The following TRAPPC9 variants were observed in gnomAD, a reference collection of about 807,000 sequenced individuals.
TRAPPC9 encodes trafficking protein particle complex subunit 9, also known as IKK2 binding protein.
Under a neutral mutation model 124.0 loss-of-function variants are expected in TRAPPC9, and 83 were observed. The ratio of observed to expected loss-of-function variants is 0.67; its 90% CI spans 0.56 to 0.80. The LOEUF is 0.80. Among genes scored for constraint, TRAPPC9 ranks in the 30% least tolerant of loss-of-function variants. The pLI, the probability that TRAPPC9 is intolerant of heterozygous loss-of-function variation, is 0.00. For missense variants in TRAPPC9, 1,302 were observed against 1,508.3 expected (o/e 0.86, Z 2.27); for synonymous variants, 638 against 617.5 (o/e 1.03, Z -0.49).
intron 21 of TRAPPC9, among the ~76,000 whole-genome samples, chr8:139,760,091 TTGTGAGTG>T: frequency 6.6e-6 from 1 of 152,242 alleles, no homozygotes; most frequent in Non-Finnish European, 1.5e-5. Flanking sequence ...GTGCTGTGTG[TTGTGAGTG>T]TGTGAGTGTA....
intron 17 of TRAPPC9, among the ~76,000 whole-genome samples, chr8:140,151,525 T>C (rs1415471496): frequency 6.6e-6 from 1 of 152,208 alleles, no homozygotes; most frequent in African/African-American, 2.4e-5. Context: ...GGCTCCCATG[T>C]GCCCTCCCTG....
At chr8:140,434,843 G>A (rs985040683) in intron 4 of TRAPPC9, among the ~76,000 whole-genome samples, 7 of 151,944 alleles carry the variant, frequency 4.6e-5, no homozygotes, top group African/African-American at 1.2e-4. Flanking sequence ...GGTGGCGGGC[G>A]CCTGTAATCC....
chr8:139,801,052 C>CCTTCCCTCCCTCCAGTAT (rs373554554), intron 21 of TRAPPC9, among the ~76,000 whole-genome samples: 5 of 148,190 alleles, frequency 3.4e-5, no homozygotes, highest in East Asian at 4.1e-4. Context: ...CCCTCCGGCA[C>CCTTCCCTCCCTCCAGTAT]CTTCCCTCCC....
intron 11 of TRAPPC9, among the ~76,000 whole-genome samples, chr8:140,297,294 A>G (rs940596800): frequency 1.3e-5 from 2 of 152,182 alleles, no homozygotes; most frequent in African/African-American, 4.8e-5. Context: ...ATGGCATTTT[A>G]AAAACGCATA....
intron 18 of TRAPPC9, among the ~76,000 whole-genome samples, chr8:139,990,978 G>C (rs1837604806): frequency 6.6e-6 from 1 of 152,180 alleles, no homozygotes; most frequent in African/African-American, 2.4e-5. Context: ...TGGGTTTTCT[G>C]GGTGGGGCTG....
chr8:139,939,852 G>C (rs977235875), intron 19 of TRAPPC9, among the ~76,000 whole-genome samples: 3 of 152,236 alleles, frequency 2.0e-5, no homozygotes, highest in Admixed American at 6.5e-5. Flanking sequence ...AGAGAGGGAG[G>C]CTGGTGCAGA....
chr8:140,060,227 G>C (rs1468545779), intron 17 of TRAPPC9, among the ~76,000 whole-genome samples: 2 of 152,154 alleles, frequency 1.3e-5, no homozygotes, highest in African/African-American at 4.8e-5. Flanking sequence ...GCTAAGTAGG[G>C]GGCTTTTCTG....
At chr8:140,379,703 T>C (rs2068548004) in intron 7 of TRAPPC9, among the ~76,000 whole-genome samples, 1 of 152,060 alleles carries the variant, frequency 6.6e-6, no homozygotes, top group Non-Finnish European at 1.5e-5. Context: ...TGAAGGGACA[T>C]ACAAAATTAA....
Position 139,986,016 on chromosome 8 carries a change from G to A in TRAPPC9, c.2810+2710C>T, listed in dbSNP as rs552024562. On this transcript the variant is annotated intron_variant, in intron 19 of 22. Coordinates refer to ENST00000438773, the MANE Select transcript of TRAPPC9 (RefSeq NM_001160372.4). ...TTCCAGCACTTTGGGAGGCCGAGGC[G>A]GGCGGATCACAAGGTCAGGAGTCCA... Among the ~76,000 whole-genome samples, 216 of 152,290 alleles carry A rather than the reference G, an allele frequency of 1.4e-3. 1 individual carries two copies. The highest frequency in any genetic ancestry group is 6.8e-3 in the Middle Eastern group (2 of 294).
At chr8:140,140,617 C>A (rs1389718520) in intron 17 of TRAPPC9, among the ~76,000 whole-genome samples, 2 of 152,124 alleles carry the variant, frequency 1.3e-5, no homozygotes, top group African/African-American at 4.8e-5. Context: ...AGAATTCCAC[C>A]CATAAATCCC....
intron 19 of TRAPPC9, among the ~76,000 whole-genome samples, chr8:139,963,454 T>A (rs1021246617): frequency 6.6e-6 from 1 of 152,166 alleles, no homozygotes; most frequent in Non-Finnish European, 1.5e-5. Flanking sequence ...TTTCATTTCA[T>A]CCTTATTCCC....
intron 12 of TRAPPC9, 70 bp from the exon 13 acceptor site, chr8:140,287,804 T>A (rs947766494): frequency 1.0e-5 from 16 of 1,602,056 alleles, no homozygotes; most frequent in Admixed American, 1.7e-5. Context: ...CAAATGAGCC[T>A]TAAGACATTG....
intron 21 of TRAPPC9, among the ~76,000 whole-genome samples, chr8:139,833,001 G>A (rs376883625): frequency 1.3e-5 from 2 of 152,142 alleles, no homozygotes; most frequent in Non-Finnish European, 2.9e-5. Context: ...AGCATGAGAA[G>A]GGTTCAACAC....
intron 21 of TRAPPC9, among the ~76,000 whole-genome samples, chr8:139,779,081 CAAG>C (rs1821592057): frequency 1.3e-5 from 2 of 149,664 alleles, no homozygotes; most frequent in South Asian, 4.2e-4. Flanking sequence ...AAACCAGTGA[CAAG>C]AATATCAAAA....
At chr8:140,128,808 T>C (rs1487968247) in intron 17 of TRAPPC9, among the ~76,000 whole-genome samples, 2 of 152,244 alleles carry the variant, frequency 1.3e-5, no homozygotes, top group Admixed American at 6.5e-5. Flanking sequence ...CTCCTGGCGA[T>C]GGGTCAGTCC....
At chr8:140,029,151 T>C (rs1416122197) in intron 17 of TRAPPC9, among the ~76,000 whole-genome samples, 1 of 152,162 alleles carries the variant, frequency 6.6e-6, no homozygotes, top group Non-Finnish European at 1.5e-5. Flanking sequence ...CCAAAAGGAA[T>C]CAAGGAGAAA....
At chr8:140,298,528 T>A (rs979657024) in intron 11 of TRAPPC9, among the ~76,000 whole-genome samples, 2 of 152,164 alleles carry the variant, frequency 1.3e-5, no homozygotes, top group Non-Finnish European at 2.9e-5. Context: ...AGTATGCACC[T>A]GTGGTCCCAC....
At chr8:140,048,979 A>G (rs1318693260) in intron 17 of TRAPPC9, among the ~76,000 whole-genome samples, 1 of 152,208 alleles carries the variant, frequency 6.6e-6, no homozygotes, top group African/African-American at 2.4e-5. Context: ...ACCAAAAGGA[A>G]ACACGAGAAG....
chr8:140,133,363 C>T (rs774727111), intron 17 of TRAPPC9, among the ~76,000 whole-genome samples: 3 of 152,106 alleles, frequency 2.0e-5, no homozygotes, highest in African/African-American at 4.8e-5. Context: ...CATCCTTTCA[C>T]GATAAAACAT....
Sources: gnomAD v4.1 joint callset for allele counts (sites outside exome capture counted in the v4.1 genomes callset) on GRCh38, gnomAD v4.1.1 for gene constraint, MANE v1.5 for transcripts, NCBI Gene and HGNC (gene_info 2026-07-23, HGNC 2026-07-21) for gene names.